Variants in ARHGAP18 observed in about 807,000 individuals in gnomAD.
ARHGAP18 encodes the protein rho GTPase-activating protein 18.
In ARHGAP18, 67 loss-of-function variants were observed where a neutral mutation model predicts 86.2. The ratio of observed to expected loss-of-function variants is 0.78; its 90% CI spans 0.64 to 0.95. The LOEUF is 0.95. ARHGAP18 is among the 40% of genes least tolerant of loss of function. The pLI is 0.00. For synonymous variants in ARHGAP18, 283 were observed against 280.4 expected (o/e 1.01, Z -0.09); for missense variants, 691 against 780.4 (o/e 0.89, Z 1.37).
chr6:129,687,707 A>G (rs957566500), intron 1 of ARHGAP18, among the ~76,000 whole-genome samples: 1 of 152,202 alleles, frequency 6.6e-6, no homozygotes, highest in African/African-American at 2.4e-5. Flanking sequence ...ATTCTTCCAC[A>G]TACTTATTGA....
chr6:129,625,064 TTTA>T (rs1789326164), intron 5 of ARHGAP18, among the ~76,000 whole-genome samples: 1 of 104,732 alleles, frequency 9.5e-6, no homozygotes, highest in Non-Finnish European at 1.8e-5. Context: ...TTGATATATA[TTTA>T]TATATAATAT....
chr6:129,688,958 C>T (rs1450444793), intron 1 of ARHGAP18, among the ~76,000 whole-genome samples: 1 of 152,094 alleles, frequency 6.6e-6, no homozygotes, highest in Non-Finnish European at 1.5e-5. Flanking sequence ...TATTTTCTTC[C>T]TGTCTCCTTG....
intron 1 of ARHGAP18, among the ~76,000 whole-genome samples, chr6:129,683,685 C>G (rs1774368030): frequency 6.6e-6 from 1 of 152,188 alleles, no homozygotes; most frequent in Non-Finnish European, 1.5e-5. Flanking sequence ...ATGGCAAAAT[C>G]TTTCCTTATT....
intron 5 of ARHGAP18, among the ~76,000 whole-genome samples, chr6:129,622,128 T>TGG (rs1789241799): frequency 6.6e-6 from 1 of 152,128 alleles, no homozygotes; most frequent in Admixed American, 6.5e-5. Flanking sequence ...ACTAAATGAA[T>TGG]GGAGACACAC....
chr6:129,647,573 T>C (rs1167755425), intron 1 of ARHGAP18, among the ~76,000 whole-genome samples: 1 of 152,140 alleles, frequency 6.6e-6, no homozygotes, highest in Admixed American at 6.5e-5. Flanking sequence ...CCACTTTTAT[T>C]TCCATGCAGG....
chr6:129,643,037 G>GTTT (rs1773502532), intron 1 of ARHGAP18, among the ~76,000 whole-genome samples: 1 of 151,940 alleles, frequency 6.6e-6, no homozygotes, highest in Non-Finnish European at 1.5e-5. Context: ...AGTAAACAAT[G>GTTT]TTTTTTGTTA....
Position 129,688,753 on chromosome 6 carries a change from T to C in ARHGAP18, c.113+21271A>G, listed in dbSNP as rs145960861. ...GTTGCAGTGAGCCGAGATCGCACCA[T>C]TGCCCTCCAGCCTGGGCAACAAGAA... is the stretch of plus-strand genomic sequence containing the variant. On this transcript the variant is annotated intron_variant, in intron 1 of 14. Coordinates refer to ENST00000368149, the MANE Select transcript of ARHGAP18 (RefSeq NM_033515.3). Among the ~76,000 whole-genome samples the C allele has an allele frequency of 3.8e-4, 58 of 151,854 alleles. 1 individual carries two copies. The highest frequency in any genetic ancestry group is 2.4e-3 in the Admixed American group (36 of 15,246).
chr6:129,620,376 C>T (rs1025155469), intron 5 of ARHGAP18, among the ~76,000 whole-genome samples: 9 of 152,188 alleles, frequency 5.9e-5, no homozygotes, highest in African/African-American at 2.2e-4. Flanking sequence ...GGATACTCAA[C>T]TTGTATATTA....
intron 5 of ARHGAP18, among the ~76,000 whole-genome samples, chr6:129,624,402 T>A (rs895026373): frequency 1.1e-4 from 16 of 151,990 alleles, no homozygotes; most frequent in African/African-American, 3.6e-4. Context: ...TGGTGGCATG[T>A]GCCTGCAATC....
chr6:129,598,230 C>T (rs1254237872), intron 12 of ARHGAP18, among the ~76,000 whole-genome samples: 2 of 152,068 alleles, frequency 1.3e-5, no homozygotes, highest in Non-Finnish European at 2.9e-5. Context: ...AGCATATTTA[C>T]AACTTCTCTT....
intron 1 of ARHGAP18, among the ~76,000 whole-genome samples, chr6:129,682,365 T>A (rs1251667791): frequency 1.3e-5 from 2 of 152,090 alleles, no homozygotes; most frequent in Non-Finnish European, 2.9e-5. Flanking sequence ...TTGCCTCATT[T>A]CCCCGTGTTC....
intron 1 of ARHGAP18, among the ~76,000 whole-genome samples, chr6:129,686,978 C>CT (rs71028176): frequency 0.098 from 10,337 of 105,674 alleles, 503 homozygotes; most frequent in East Asian, 0.21. Context: ...TTTTTTTTTT[C>CT]TTTTTTTTTT....
At chr6:129,592,947 G>A (rs1788546658) in intron 12 of ARHGAP18, among the ~76,000 whole-genome samples, 1 of 152,068 alleles carries the variant, frequency 6.6e-6, no homozygotes, top group African/African-American at 2.4e-5. Context: ...AAGGTTTTGG[G>A]GGGCTCATGT....
At chr6:129,637,374 G>A (rs1276136372) in intron 3 of ARHGAP18, among the ~76,000 whole-genome samples, 2 of 152,062 alleles carry the variant, frequency 1.3e-5, no homozygotes, top group African/African-American at 4.8e-5. Flanking sequence ...TGCCTTCTCT[G>A]ATACCTCCCT....
At chr6:129,706,723 C>T (rs990254015) in intron 1 of ARHGAP18, among the ~76,000 whole-genome samples, 1 of 150,936 alleles carries the variant, frequency 6.6e-6, no homozygotes, top group African/African-American at 2.4e-5. Flanking sequence ...CCCGTCTCTA[C>T]TAAAAATACA....
At chr6:129,585,519 T>C (rs141702468) in intron 12 of ARHGAP18, among the ~76,000 whole-genome samples, 1 of 152,254 alleles carries the variant, frequency 6.6e-6, no homozygotes, top group African/African-American at 2.4e-5. Context: ...ACAGTGAGTA[T>C]GGGATTGTGG....
intron 1 of ARHGAP18, among the ~76,000 whole-genome samples, chr6:129,671,547 A>T (rs1202546379): frequency 6.6e-6 from 1 of 152,046 alleles, no homozygotes; most frequent in African/African-American, 2.4e-5. Context: ...AAAAAAAATT[A>T]AAAATTACCC....
Position 129,641,987 on chromosome 6 carries a change from C to T in ARHGAP18, c.145G>A (p.Glu49Lys). The change falls in exon 2 of 15, where the codon GAA becomes AAA. Residue 49 changes from glutamate to lysine, a missense_variant. Glu to Lys is a moderately conservative substitution (Grantham distance 56). Transcript: ENST00000368149. Reference sequence around the variant, plus strand: ...TCCATAACTTTGATGGTGGTGCTTTCCTGGTTCATAGTGTACTGGCCATAT... The same window carrying T: ...TCCATAACTTTGATGGTGGTGCTTTTCTGGTTCATAGTGTACTGGCCATAT... ...RRYGQYTMNQ[E>K]STTIKVMEKP... 1.2e-6 allele frequency: 2 copies of T among 1,613,956 alleles called. No individual in the cohort carries two copies. The highest frequency in any genetic ancestry group is 1.7e-6 in the Non-Finnish European group (2 of 1,179,900).
In ARHGAP18 at chr6:129,607,977, C is replaced by A; in HGVS notation, c.1198G>T (p.Ala400Ser). 1 of 1,601,278 alleles carries A rather than the reference C, an allele frequency of 6.2e-7. No homozygotes were observed. Among genetic ancestry groups the A allele is most frequent in the Non-Finnish European group, 8.5e-7 (1 of 1,173,924 alleles). The change falls in exon 9 of 15, where the codon GCC becomes TCC. Residue 400 changes from alanine to serine, a missense_variant. Physicochemically the swap from Ala to Ser is moderately conservative, Grantham distance 99. Transcript: ENST00000368149. ...CGAATGAAGAGCTTCAGCAGGCTGGCGGCATCATGCTGTTTGACACTTTCC... is the reference window on the plus strand; with the variant it reads ...CGAATGAAGAGCTTCAGCAGGCTGGAGGCATCATGCTGTTTGACACTTTCC... ...NWESVKQHDA[A>S]SLLKLFIREL... is the part of the protein sequence containing the mutation.
Sources: allele counts gnomAD v4.1 joint callset (sites outside exome capture counted in the v4.1 genomes callset), GRCh38; gene constraint gnomAD v4.1.1; transcripts MANE v1.5; gene names NCBI Gene and HGNC (gene_info 2026-07-23, HGNC 2026-07-21).